Variants in CPA6 observed in about 807,000 individuals in gnomAD.
CPA6 encodes the protein carboxypeptidase B.
Under a neutral mutation model 63.3 loss-of-function variants are expected in CPA6, and 58 were observed. The ratio of observed to expected loss-of-function variants is 0.92; its 90% CI spans 0.74 to 1.14. The LOEUF (loss-of-function observed/expected upper bound fraction) is 1.14, where lower values mean the gene tolerates loss of function less well. CPA6 is among the 50% of genes most tolerant of loss of function. The pLI, the probability that CPA6 is intolerant of heterozygous loss-of-function variation, is 0.00. For synonymous variants in CPA6, 185 were observed against 179.0 expected (o/e 1.03, Z -0.27); for missense variants, 565 against 526.6 (o/e 1.07, Z -0.71).
intron 2 of CPA6, among the ~76,000 whole-genome samples, chr8:67,572,404 C>T (rs1377142563): frequency 1.3e-5 from 2 of 152,100 alleles, no homozygotes; most frequent in South Asian, 4.1e-4. Flanking sequence ...TGGATTAGTT[C>T]CTATGAGAGG....
intron 2 of CPA6, among the ~76,000 whole-genome samples, chr8:67,572,699 C>T (rs1232824697): frequency 6.6e-6 from 1 of 152,140 alleles, no homozygotes; most frequent in African/African-American, 2.4e-5. Flanking sequence ...TGAATTCTAC[C>T]AAACGTTTAA....
At chr8:67,454,507 T>C (rs1008597733) in intron 8 of CPA6, among the ~76,000 whole-genome samples, 1 of 152,194 alleles carries the variant, frequency 6.6e-6, no homozygotes, top group African/African-American at 2.4e-5. Context: ...AAAAATGTGA[T>C]AAAATAGACT....
chr8:67,496,207 A>G (rs1177687393), intron 6 of CPA6, among the ~76,000 whole-genome samples: 1 of 151,942 alleles, frequency 6.6e-6, no homozygotes, highest in Non-Finnish European at 1.5e-5. Flanking sequence ...AAGACACACT[A>G]TTTTATGTTG....
chr8:67,713,169 C>T lies in CPA6; in HGVS notation c.116+32845G>A, dbSNP rs555572888. ...CAGGGTTCAGTACTAGCCTCAGTTT[C>T]AGGCATCCACTGGGGATTCTGGAAC... is the stretch of plus-strand genomic sequence containing the variant. On this transcript the variant is annotated intron_variant, in intron 1 of 10. Coordinates refer to ENST00000297770, the MANE Select transcript of CPA6 (RefSeq NM_020361.5). Among the ~76,000 whole-genome samples the T allele has an allele frequency of 3.9e-4, 53 of 137,028 alleles. No homozygotes were observed. In the East Asian group the frequency reaches 9.1e-3, roughly 24 times the overall value. The allele number at this position is 137,028 out of a possible 152,430, so 89.9% of individuals were successfully genotyped here. A position where few individuals can be genotyped will look rare whatever the true frequency, so the allele number is the denominator to read the frequency against.
At chr8:67,664,665 T>C (rs1342158581) in intron 1 of CPA6, among the ~76,000 whole-genome samples, 1 of 151,966 alleles carries the variant, frequency 6.6e-6, no homozygotes, top group Middle Eastern at 3.4e-3. Context: ...GCTCTAGAAG[T>C]GAGTTTGAGG....
At chr8:67,731,546 C>T (rs992346863) in intron 1 of CPA6, among the ~76,000 whole-genome samples, 3 of 152,236 alleles carry the variant, frequency 2.0e-5, no homozygotes, top group Admixed American at 6.5e-5. Flanking sequence ...TCAGAAAATG[C>T]CCCCATTCTG....
intron 1 of CPA6, among the ~76,000 whole-genome samples, chr8:67,708,525 A>G (rs890812131): frequency 1.3e-5 from 2 of 152,188 alleles, no homozygotes; most frequent in Non-Finnish European, 2.9e-5. Context: ...CAAACTCCAG[A>G]TGATCCCCAG....
In CPA6 at chr8:67,475,907, TTTC is replaced by T. The variant is rs1563968186; in HGVS notation, c.838+7858_838+7860del. The stretch of plus-strand genomic sequence containing the variant: ...CTTTCTTTCTTTCTTTCTTTCTTTC[TTTC>T]TTTCTTTCTTTCTTTCTTTCTTTCT... On this transcript the variant is annotated intron_variant, in intron 8 of 10. Coordinates refer to ENST00000297770, the MANE Select transcript of CPA6 (RefSeq NM_020361.5). 5.8e-3 allele frequency among the ~76,000 whole-genome samples: 590 copies of T among 101,124 alleles called. 25 individuals carry two copies. The highest frequency in any genetic ancestry group is 0.024 in the African/African-American group (545 of 22,676). 66.3% of individuals were successfully genotyped at this position (101,124 alleles called of 152,430 possible).
At chr8:67,658,297 C>G (rs2128992483) in intron 1 of CPA6, among the ~76,000 whole-genome samples, 1 of 152,300 alleles carries the variant, frequency 6.6e-6, no homozygotes, top group Non-Finnish European at 1.5e-5. Context: ...GACTGTCTCC[C>G]TGGCTGCAGC....
intron 1 of CPA6, among the ~76,000 whole-genome samples, chr8:67,669,514 A>G (rs2128994114): frequency 6.6e-6 from 1 of 152,352 alleles, no homozygotes; most frequent in South Asian, 2.1e-4. Context: ...GAGCAATGCT[A>G]CAGAATTTAA....
intron 1 of CPA6, among the ~76,000 whole-genome samples, chr8:67,732,072 TC>T (rs1817715885): frequency 6.6e-6 from 1 of 151,718 alleles, no homozygotes; most frequent in Non-Finnish European, 1.5e-5. Context: ...AGAGATCTCC[TC>T]CCCCAAGCAG....
At position 67,569,702 on chromosome 8, in the gene CPA6, T is replaced by C. The variant is rs111627664; in HGVS notation, c.193-51655A>G. On this transcript the variant is annotated intron_variant, in intron 2 of 10. Coordinates refer to ENST00000297770, the MANE Select transcript of CPA6 (RefSeq NM_020361.5). ...CAGGTTACAGGGGTTACTAGAGACATTATTTGGAAATCTAAGAATACTCTG... is the reference window on the plus strand; with the variant it reads ...CAGGTTACAGGGGTTACTAGAGACACTATTTGGAAATCTAAGAATACTCTG... The C allele has an allele frequency of 7.0e-4, 146 of 207,224 alleles. 1 individual carries two copies. The highest frequency in any genetic ancestry group is 3.1e-3 in the African/African-American group (133 of 42,462). 12.8% of individuals were successfully genotyped at this position (207,224 alleles called of 1,614,324 possible). A position where few individuals can be genotyped will look rare whatever the true frequency, so the allele number is the denominator to read the frequency against.
intron 2 of CPA6, among the ~76,000 whole-genome samples, chr8:67,548,985 G>GA (rs1812882900): frequency 6.6e-6 from 1 of 152,190 alleles, no homozygotes; most frequent in Non-Finnish European, 1.5e-5. Flanking sequence ...AGACAGAATA[G>GA]AATTTACAGC....
chr8:67,522,496 C>T (rs576793753), intron 2 of CPA6, among the ~76,000 whole-genome samples: 74 of 152,310 alleles, frequency 4.9e-4, no homozygotes, highest in African/African-American at 1.6e-3. Context: ...TAAATGCCCC[C>T]GTTCACCGAG....
intron 2 of CPA6, among the ~76,000 whole-genome samples, chr8:67,618,390 G>A (rs1815005718): frequency 6.6e-6 from 1 of 152,248 alleles, no homozygotes; most frequent in African/African-American, 2.4e-5. Context: ...TGTATGACTT[G>A]GTAGTGCACC....
At chr8:67,628,516 T>C (rs1273004956) in intron 1 of CPA6, among the ~76,000 whole-genome samples, 1 of 152,248 alleles carries the variant, frequency 6.6e-6, no homozygotes, top group African/African-American at 2.4e-5. Flanking sequence ...AAAGTTCTCT[T>C]CCAACTCCAA....
intron 2 of CPA6, among the ~76,000 whole-genome samples, chr8:67,542,187 C>A (rs965528838): frequency 2.6e-5 from 4 of 152,242 alleles, no homozygotes; most frequent in African/African-American, 9.6e-5. Flanking sequence ...AACAAGTCCA[C>A]TAGGCAGCTC....
intron 2 of CPA6, among the ~76,000 whole-genome samples, chr8:67,568,942 G>A (rs796141660): frequency 2.0e-5 from 3 of 152,230 alleles, no homozygotes; most frequent in African/African-American, 7.2e-5. Context: ...GTACAGAAGG[G>A]GTTTCACCAT....
chr8:67,428,220 C>T, intron 9 of CPA6, 89 bp from the exon 10 acceptor site: 1 of 698,388 alleles, frequency 1.4e-6, no homozygotes, highest in East Asian at 2.7e-5. Flanking sequence ...TCGATCATCA[C>T]CAGATGGCTT....
Sources: gnomAD v4.1 joint callset for allele counts (sites outside exome capture counted in the v4.1 genomes callset) on GRCh38, gnomAD v4.1.1 for gene constraint, MANE v1.5 for transcripts, NCBI Gene and HGNC (gene_info 2026-07-23, HGNC 2026-07-21) for gene names.